The following RPAP3 variants were observed in gnomAD, a reference collection of about 807,000 sequenced individuals.
RPAP3 encodes the protein RNA polymerase II associated protein 3.
In RPAP3, 58 loss-of-function variants were observed where a neutral mutation model predicts 88.8. That is an observed-to-expected ratio of 0.65 (90% confidence interval 0.53 to 0.81). RPAP3 has a LOEUF of 0.81. RPAP3 is among the 40% of genes least tolerant of loss of function. The pLI, the probability that RPAP3 is intolerant of heterozygous loss-of-function variation, is 0.00. For synonymous variants in RPAP3, 255 were observed against 259.9 expected (o/e 0.98, Z 0.18); for missense variants, 751 against 764.3 (o/e 0.98, Z 0.20).
intron 9 of RPAP3, among the ~76,000 whole-genome samples, chr12:47,682,604 T>C (rs1055814740): frequency 1.3e-5 from 2 of 152,030 alleles, no homozygotes; most frequent in African/African-American, 2.4e-5. Flanking sequence ...AAGTATGGCT[T>C]GTTAGAACTA....
At chr12:47,688,801 C>T (rs1388720892) in intron 7 of RPAP3, among the ~76,000 whole-genome samples, 3 of 152,192 alleles carry the variant, frequency 2.0e-5, no homozygotes, top group Non-Finnish European at 2.9e-5. Flanking sequence ...ATCACTGTCA[C>T]TTTTCTCTCA....
intron 7 of RPAP3, among the ~76,000 whole-genome samples, chr12:47,688,232 C>T (rs535489785): frequency 6.6e-5 from 10 of 151,948 alleles, no homozygotes; most frequent in African/African-American, 9.7e-5. Context: ...TAGTATCAAA[C>T]GCCACATACT....
At chr12:47,699,737 T>C (rs1939617904) in intron 3 of RPAP3, 2 of 152,312 alleles carry the variant, frequency 1.3e-5, no homozygotes, top group South Asian at 4.1e-4. Context: ...ACAAAAGTAT[T>C]ATCAATAAGA....
chr12:47,694,390 G>T (rs73104144), intron 5 of RPAP3, among the ~76,000 whole-genome samples: 9,219 of 152,226 alleles, frequency 0.061, 352 homozygotes, highest in Middle Eastern at 0.12. Flanking sequence ...AATGTGAAAA[G>T]TAAATCTTAA....
Sources: gnomAD v4.1 joint callset for allele counts (sites outside exome capture counted in the v4.1 genomes callset) on GRCh38, gnomAD v4.1.1 for gene constraint, MANE v1.5 for transcripts, NCBI Gene and HGNC (gene_info 2026-07-23, HGNC 2026-07-21) for gene names.